PCSK6: variants seen among roughly 807,000 people sequenced by gnomAD.
The protein encoded by PCSK6 is proprotein convertase subtilisin/kexin type 6, also known as paired basic amino acid cleaving enzyme 4.
Under a neutral mutation model 123.3 loss-of-function variants are expected in PCSK6, and 85 were observed. The ratio of observed to expected loss-of-function variants is 0.69; its 90% CI spans 0.58 to 0.83. The LOEUF (loss-of-function observed/expected upper bound fraction) is 0.83, where lower values mean the gene tolerates loss of function less well. Ranked by LOEUF, PCSK6 falls within the 40% of genes least tolerant of loss-of-function variation. The pLI, the probability that PCSK6 is intolerant of heterozygous loss-of-function variation, is 0.00. For missense variants in PCSK6, 1,191 were observed against 1,282.3 expected (o/e 0.93, Z 1.09); for synonymous variants, 508 against 516.0 (o/e 0.98, Z 0.21).
intron 1 of PCSK6, among the ~76,000 whole-genome samples, chr15:101,487,741 C>T (rs56224834): frequency 0.15 from 23,162 of 152,120 alleles, 2,041 homozygotes; most frequent in Middle Eastern, 0.24. Flanking sequence ...AGGGGCACTA[C>T]GCAAACATGA....
chr15:101,429,685 A>C (rs1053283114), intron 5 of PCSK6, among the ~76,000 whole-genome samples: 2 of 152,222 alleles, frequency 1.3e-5, no homozygotes, highest in African/African-American at 4.8e-5. Context: ...GGTTAGACTT[A>C]AGGGTTTCTC....
intron 6 of PCSK6, among the ~76,000 whole-genome samples, chr15:101,412,885 G>A (rs1279623071): frequency 6.6e-6 from 1 of 151,692 alleles, no homozygotes; most frequent in African/African-American, 2.4e-5. Flanking sequence ...CCCTTTGGGA[G>A]GCCAAGGCCG....
chr15:101,383,300 G>C (rs570034828), intron 10 of PCSK6, among the ~76,000 whole-genome samples: 1 of 151,738 alleles, frequency 6.6e-6, no homozygotes, highest in African/African-American at 2.4e-5. Context: ...CCAGCTACTC[G>C]GGAGGGATTA....
intron 13 of PCSK6, among the ~76,000 whole-genome samples, chr15:101,356,085 C>T (rs772055739): frequency 1.3e-5 from 2 of 152,204 alleles, no homozygotes; most frequent in Non-Finnish European, 2.9e-5. Flanking sequence ...AGAATAGACA[C>T]TTTCTGCATT....
chr15:101,442,888 C>T (rs569386427), intron 2 of PCSK6, among the ~76,000 whole-genome samples: 1 of 152,260 alleles, frequency 6.6e-6, no homozygotes, highest in Admixed American at 6.5e-5. Context: ...GCCAGCTCCA[C>T]GGGCCCTGCT....
At chr15:101,322,461 T>C in intron 18 of PCSK6, 59 bp downstream of exon 18, 2 of 1,217,112 alleles carry the variant, frequency 1.6e-6, no homozygotes, top group Non-Finnish European at 1.2e-6. Context: ...GGTAAATCCA[T>C]AACACACTCC....
intron 6 of PCSK6, among the ~76,000 whole-genome samples, chr15:101,414,104 T>C (rs1315873881): frequency 6.6e-6 from 1 of 152,158 alleles, no homozygotes; most frequent in Admixed American, 6.5e-5. Context: ...GAGACGCCCC[T>C]TGTCAGCAAC....
At chr15:101,426,844 C>T (rs1477385835) in intron 6 of PCSK6, among the ~76,000 whole-genome samples, 1 of 143,970 alleles carries the variant, frequency 6.9e-6, no homozygotes, top group Non-Finnish European at 1.5e-5. Flanking sequence ...CGGCTGCAGG[C>T]ACCCTCACCA....
chr15:101,330,915 G>A (rs2040359090), intron 15 of PCSK6, among the ~76,000 whole-genome samples: 1 of 152,158 alleles, frequency 6.6e-6, no homozygotes, highest in South Asian at 2.1e-4. Flanking sequence ...TGTGTTGGTG[G>A]AATTTTCCAT....
chr15:101,429,813 T>C (rs112186552), intron 5 of PCSK6, among the ~76,000 whole-genome samples, 174 bp downstream of exon 5: 2 of 152,270 alleles, frequency 1.3e-5, no homozygotes, highest in African/African-American at 4.8e-5. Flanking sequence ...AAGCTGGCCG[T>C]GCCTGAAGGG....
chr15:101,440,990 A>G (rs1372090936), intron 2 of PCSK6, among the ~76,000 whole-genome samples: 1 of 152,200 alleles, frequency 6.6e-6, no homozygotes, highest in Non-Finnish European at 1.5e-5. Context: ...CAATTTAATT[A>G]GAACTATGAG....
At chr15:101,328,795 T>A (rs2040314244) in intron 15 of PCSK6, among the ~76,000 whole-genome samples, 1 of 152,206 alleles carries the variant, frequency 6.6e-6, no homozygotes, top group Non-Finnish European at 1.5e-5. Context: ...TGAATATCTG[T>A]AAACAAACCT....
intron 6 of PCSK6, among the ~76,000 whole-genome samples, chr15:101,424,199 C>T (rs1218002108): frequency 6.6e-6 from 1 of 150,828 alleles, no homozygotes; most frequent in East Asian, 1.9e-4. Flanking sequence ...TATGCCACTG[C>T]ACTCCAACCT....
chr15:101,478,996 A>G (rs2057801608), intron 1 of PCSK6, among the ~76,000 whole-genome samples: 1 of 152,188 alleles, frequency 6.6e-6, no homozygotes, highest in African/African-American at 2.4e-5. Context: ...AAATTCTAAC[A>G]ATTTCTCATT....
In PCSK6 at chr15:101,398,274, T is replaced by C; in HGVS notation, c.996+130A>G. ...CCGAGTGACTCCTCCACACTGGCCCTGGCACCTGTCACAGCAGAGTCTTCC... is the reference window on the plus strand; with the variant it reads ...CCGAGTGACTCCTCCACACTGGCCCCGGCACCTGTCACAGCAGAGTCTTCC... On this transcript the variant is annotated intron_variant, in intron 7 of 21. Coordinates refer to ENST00000611716, the MANE Select transcript of PCSK6 (RefSeq NM_002570.5). The surrounding 1 kb of genome is among the most constrained non-coding windows in gnomAD (Gnocchi z 4.6). 1 of 1,164,038 alleles carries C rather than the reference T, an allele frequency of 8.6e-7. No individual in the cohort carries two copies. The highest frequency in any genetic ancestry group is 1.2e-6 in the Non-Finnish European group (1 of 831,642). The allele number at this position is 1,164,038 out of a possible 1,614,324, so 72.1% of individuals were successfully genotyped here. A position where few individuals can be genotyped will look rare whatever the true frequency, so the allele number is the denominator to read the frequency against.
intron 13 of PCSK6, among the ~76,000 whole-genome samples, chr15:101,361,018 G>T (rs1164913751): frequency 6.6e-6 from 1 of 152,178 alleles, no homozygotes; most frequent in Admixed American, 6.5e-5. Flanking sequence ...CTTAGAACTT[G>T]GTAAATGCTC....
At chr15:101,415,724 T>A (rs1414322592) in intron 6 of PCSK6, among the ~76,000 whole-genome samples, 1 of 152,204 alleles carries the variant, frequency 6.6e-6, no homozygotes, top group African/African-American at 2.4e-5. Flanking sequence ...GGTAATTGAA[T>A]CATGGGTGCC....
Position 101,322,532 on chromosome 15 carries a change from T to C in PCSK6, c.2453A>G (p.Lys818Arg), listed in dbSNP as rs1344173957. 6.2e-7 allele frequency: 1 copy of C among 1,612,940 alleles called. No individual in the cohort carries two copies. Among genetic ancestry groups the C allele is most frequent in the Non-Finnish European group, 8.5e-7 (1 of 1,179,116 alleles). Residue 818 changes from lysine (K) to arginine (R), a missense_variant, in exon 18 of 22, where the codon AAA becomes AGA. By Grantham distance (26) the Lys-to-Arg change is conservative (BLOSUM62 2). Transcript: ENST00000611716. ...VDEPEKCTVC[K>R]EGFSLARGSC... ...GAGGGGGTTTTACCTGAATCCTTCT[T>C]TACAGACAGTACATTTCTCAGGTTC...
chr15:101,313,477 A>T lies in PCSK6; in HGVS notation c.2598T>A (p.Cys866Ter). 6.2e-7 allele frequency: 1 copy of T among 1,609,070 alleles called. No individual in the cohort carries two copies. Among genetic ancestry groups the T allele is most frequent in the Non-Finnish European group, 8.5e-7 (1 of 1,179,674 alleles). The stretch of plus-strand genomic sequence containing the variant: ...AGTCGTGGAAGTGGAAGTTTTTCGC[A>T]CAGTGAATGCACTCTTCTCTGCCTG... ...VGPGREECIH[C>*]AKNFHFHDWK... Residue 866 changes from cysteine (C) to a stop codon, truncating the protein, a stop_gained, in exon 20 of 22, where the codon TGT (cysteine) becomes TGA (stop). Transcript: ENST00000611716. LOFTEE classifies it high-confidence loss of function.
Sources: gnomAD v4.1 joint callset for allele counts (sites outside exome capture counted in the v4.1 genomes callset) on GRCh38, gnomAD v4.1.1 for gene constraint, Gnocchi (gnomAD v3.1) non-coding constraint, MANE v1.5 for transcripts, NCBI Gene and HGNC (gene_info 2026-07-23, HGNC 2026-07-21) for gene names.